Variants in CAMTA1 observed in about 807,000 individuals in gnomAD.
CAMTA1 encodes the protein calmodulin-binding transcription activator 1.
Under a neutral mutation model 170.9 loss-of-function variants are expected in CAMTA1, and 27 were observed. The ratio of observed to expected loss-of-function variants is 0.16; its 90% CI spans 0.12 to 0.22. The LOEUF is 0.22. Among genes scored for constraint, CAMTA1 ranks in the 10% least tolerant of loss-of-function variants. The pLI is 1.00. For missense variants in CAMTA1, 1,619 were observed against 2,217.2 expected (o/e 0.73, Z 5.42); for synonymous variants, 833 against 891.5 (o/e 0.93, Z 1.17).
At chr1:7,327,883 AT>A (rs1269290580) in intron 5 of CAMTA1, among the ~76,000 whole-genome samples, 4 of 151,788 alleles carry the variant, frequency 2.6e-5, no homozygotes, top group African/African-American at 9.7e-5. Flanking sequence ...AAATATCTTC[AT>A]TTTATTCTCA....
At chr1:7,182,449 G>A (rs540558219) in intron 4 of CAMTA1, among the ~76,000 whole-genome samples, 3 of 150,870 alleles carry the variant, frequency 2.0e-5, no homozygotes, top group South Asian at 2.1e-4. Flanking sequence ...AACCGTGATC[G>A]TGCCACTGTA....
At chr1:7,514,496 CA>C (rs2094251709) in intron 6 of CAMTA1, among the ~76,000 whole-genome samples, 1 of 152,242 alleles carries the variant, frequency 6.6e-6, no homozygotes, top group Non-Finnish European at 1.5e-5. Context: ...GAGGGAGCAC[CA>C]GGGGCTGGGA....
At chr1:7,712,525 G>T (rs780831847) in intron 11 of CAMTA1, among the ~76,000 whole-genome samples, 5 of 151,990 alleles carry the variant, frequency 3.3e-5, no homozygotes, top group African/African-American at 9.7e-5. Flanking sequence ...TTCATATGTT[G>T]CCCAGGCTGG....
At chr1:7,704,711 C>T (rs112280848) in intron 11 of CAMTA1, among the ~76,000 whole-genome samples, 131,467 of 147,896 alleles carry the variant, frequency 0.89, 58,907 homozygotes, top group East Asian at 1. Flanking sequence ...GCGGCGCACT[C>T]GGGCAGTGGC....
chr1:7,546,652 A>G (rs2094697136), intron 6 of CAMTA1, among the ~76,000 whole-genome samples: 2 of 152,196 alleles, frequency 1.3e-5, no homozygotes, highest in African/African-American at 2.4e-5. Context: ...TGTCTGCAAC[A>G]TCGCCAGCAT....
At chr1:7,337,205 T>C (rs1206758335) in intron 5 of CAMTA1, among the ~76,000 whole-genome samples, 2 of 152,160 alleles carry the variant, frequency 1.3e-5, no homozygotes, top group Non-Finnish European at 2.9e-5. Context: ...ACCTATCACC[T>C]TGTGAGGGGG....
In CAMTA1 at chr1:6,887,224, A is replaced by G. The variant is rs934311996; in HGVS notation, c.234+62014A>G. On this transcript the variant is annotated intron_variant, in intron 3 of 22. Transcript: ENST00000303635. The surrounding 1 kb of genome is among the most constrained non-coding windows in gnomAD (Gnocchi z 4.1). ...AACTTAAGTAGTTTGCTGAATATGC[A>G]TAGTAAGTAAAAAAATTCTTCCAAA... Among the ~76,000 whole-genome samples, 4 of 152,246 alleles carry G rather than the reference A, an allele frequency of 2.6e-5. No individual in the cohort carries two copies. Among genetic ancestry groups the G allele is most frequent in the African/African-American group, 9.6e-5 (4 of 41,460 alleles).
At chr1:7,109,746 C>T (rs1180058496) in intron 4 of CAMTA1, among the ~76,000 whole-genome samples, 1 of 152,196 alleles carries the variant, frequency 6.6e-6, no homozygotes, top group African/African-American at 2.4e-5. Context: ...CTCCCATTGG[C>T]CTGAGTGAGA....
intron 1 of CAMTA1, among the ~76,000 whole-genome samples, chr1:6,796,925 T>C (rs1036346846): frequency 6.6e-6 from 1 of 152,240 alleles, no homozygotes; most frequent in Non-Finnish European, 1.5e-5. Flanking sequence ...GGGGATTTGC[T>C]GACTTTCTGG....
At chr1:7,209,258 T>C (rs1026993019) in intron 4 of CAMTA1, among the ~76,000 whole-genome samples, 3 of 152,214 alleles carry the variant, frequency 2.0e-5, no homozygotes, top group African/African-American at 7.2e-5. Flanking sequence ...TGCCAATTAC[T>C]GTCTTCTTGA....
chr1:7,487,540 T>G (rs2093634008), intron 6 of CAMTA1, among the ~76,000 whole-genome samples: 1 of 152,234 alleles, frequency 6.6e-6, no homozygotes, highest in African/African-American at 2.4e-5. Context: ...GCCAGCTCTG[T>G]CTGGACGTCC....
intron 6 of CAMTA1, among the ~76,000 whole-genome samples, chr1:7,607,826 A>C (rs569884266): frequency 3.2e-4 from 48 of 152,336 alleles, no homozygotes; most frequent in Admixed American, 4.6e-4. Context: ...ATCATAGTAG[A>C]TTCTATAGAG....
chr1:7,395,167 G>C (rs1370894080), intron 5 of CAMTA1, among the ~76,000 whole-genome samples: 2 of 152,214 alleles, frequency 1.3e-5, no homozygotes. Flanking sequence ...ACAGGCGTGA[G>C]CCACCGCACC....
chr1:6,983,275 T>C (rs1430184341), intron 3 of CAMTA1, among the ~76,000 whole-genome samples: 1 of 152,168 alleles, frequency 6.6e-6, no homozygotes. Flanking sequence ...CAGAAAGAGC[T>C]AGTGTCTATG....
intron 5 of CAMTA1, among the ~76,000 whole-genome samples, chr1:7,452,274 T>C (rs2092844936): frequency 6.6e-6 from 1 of 152,180 alleles, no homozygotes; most frequent in Non-Finnish European, 1.5e-5. Flanking sequence ...CAGGAGGGTG[T>C]GTGTGCTGAG....
At chr1:7,677,229 AG>A (rs1401866144) in intron 10 of CAMTA1, among the ~76,000 whole-genome samples, 10 of 152,234 alleles carry the variant, frequency 6.6e-5, no homozygotes, top group Admixed American at 1.3e-4. Context: ...AGCCCCACCC[AG>A]GAAGGATGGG....
chr1:7,528,838 AAGTG>A (rs1374058271), intron 6 of CAMTA1, among the ~76,000 whole-genome samples: 30 of 110,240 alleles, frequency 2.7e-4, no homozygotes, highest in South Asian at 4.9e-4. Flanking sequence ...TGAATGAATG[AAGTG>A]AGTGAATGAA....
chr1:7,599,421 G>A (rs1246360998), intron 6 of CAMTA1, among the ~76,000 whole-genome samples: 4 of 152,052 alleles, frequency 2.6e-5, no homozygotes, highest in Admixed American at 6.6e-5. Context: ...TTGGCGATGC[G>A]GGCTCTTTTC....
intron 6 of CAMTA1, among the ~76,000 whole-genome samples, chr1:7,498,411 G>A (rs2093878641): frequency 6.6e-6 from 1 of 150,648 alleles, no homozygotes; most frequent in East Asian, 1.9e-4. Flanking sequence ...GTATGAGTGT[G>A]TATGAGTGTG....
Sources: gnomAD v4.1 joint callset for allele counts (sites outside exome capture counted in the v4.1 genomes callset) on GRCh38, gnomAD v4.1.1 for gene constraint, Gnocchi (gnomAD v3.1) non-coding constraint, MANE v1.5 for transcripts, NCBI Gene and HGNC (gene_info 2026-07-23, HGNC 2026-07-21) for gene names.